SLC4A4: variants seen among roughly 807,000 people sequenced by gnomAD.
SLC4A4 encodes the protein electrogenic sodium bicarbonate cotransporter 1.
In SLC4A4, 27 loss-of-function variants were observed where a neutral mutation model predicts 111.5. The ratio of observed to expected loss-of-function variants is 0.24; its 90% CI spans 0.18 to 0.33. SLC4A4 has a LOEUF of 0.33. SLC4A4 is among the 10% of genes least tolerant of loss of function. The pLI is 1.00. For synonymous variants in SLC4A4, 443 were observed against 463.4 expected (o/e 0.96, Z 0.57); for missense variants, 909 against 1,315.5 (o/e 0.69, Z 4.78).
chr4:71,153,054 A>ATATAT (rs528058780), intron 2 of SLC4A4, among the ~76,000 whole-genome samples: 1,885 of 140,834 alleles, frequency 0.013, 28 homozygotes, highest in Non-Finnish European at 0.019. Context: ...TATATATATA[A>ATATAT]AAATAAAAGG....
At chr4:71,152,931 C>T (rs1324887259) in intron 2 of SLC4A4, among the ~76,000 whole-genome samples, 1 of 147,998 alleles carries the variant, frequency 6.8e-6, no homozygotes, top group Non-Finnish European at 1.5e-5. Flanking sequence ...TGGTATATAT[C>T]ACATATATAT....
At chr4:71,550,563 T>C (rs1735898453) in intron 20 of SLC4A4, among the ~76,000 whole-genome samples, 1 of 152,046 alleles carries the variant, frequency 6.6e-6, no homozygotes, top group East Asian at 1.9e-4. Context: ...TTTGTGACTA[T>C]GTGTTTTTTT....
At chr4:71,119,925 C>T (rs4694375) in intron 2 of SLC4A4, among the ~76,000 whole-genome samples, 150,059 of 152,270 alleles carry the variant, frequency 0.99, 73,984 homozygotes, top group East Asian at 1. Context: ...GTTTGTTGAG[C>T]TTTCCATTTT....
At chr4:71,439,470 A>AAAG (rs1724502798) in intron 7 of SLC4A4, among the ~76,000 whole-genome samples, 4 of 136,532 alleles carry the variant, frequency 2.9e-5, no homozygotes, top group Non-Finnish European at 4.7e-5. Context: ...AAAAAAAAAA[A>AAAG]AGAAAAGAAA....
At chr4:71,356,827 TC>T (rs1313460592) in intron 5 of SLC4A4, among the ~76,000 whole-genome samples, 180 bp from the exon 6 acceptor site, 1 of 152,204 alleles carries the variant, frequency 6.6e-6, no homozygotes, top group Non-Finnish European at 1.5e-5. Context: ...TGTATCTCTC[TC>T]ATCAATGCCC....
intron 20 of SLC4A4, among the ~76,000 whole-genome samples, chr4:71,549,375 T>C (rs1213189607): frequency 6.6e-6 from 1 of 151,802 alleles, no homozygotes; most frequent in Non-Finnish European, 1.5e-5. Context: ...CTGCAGACAA[T>C]TATGAGCCCA....
intron 15 of SLC4A4, among the ~76,000 whole-genome samples, chr4:71,488,195 G>C (rs1245198185): frequency 6.7e-6 from 1 of 149,722 alleles, no homozygotes; most frequent in Non-Finnish European, 1.5e-5. Context: ...AAAAACATAA[G>C]TTAATTTGTA....
At chr4:71,356,114 G>A (rs554112976) in intron 5 of SLC4A4, among the ~76,000 whole-genome samples, 2 of 152,316 alleles carry the variant, frequency 1.3e-5, no homozygotes, top group African/African-American at 4.8e-5. Context: ...TCATGTAGAT[G>A]TAGAGTAGAA....
At chr4:71,404,555 A>C (rs1424443704) in intron 7 of SLC4A4, among the ~76,000 whole-genome samples, 1 of 152,220 alleles carries the variant, frequency 6.6e-6, no homozygotes, top group Non-Finnish European at 1.5e-5. Flanking sequence ...AATACCAGGA[A>C]TATACCTAGA....
At chr4:71,483,172 T>G (rs184934931) in intron 14 of SLC4A4, among the ~76,000 whole-genome samples, 17 of 151,798 alleles carry the variant, frequency 1.1e-4, no homozygotes, top group Admixed American at 4.6e-4. Context: ...CCTGTTTTTG[T>G]TTTTGTAACT....
chr4:71,462,034 A>G (rs1490038474), intron 12 of SLC4A4, among the ~76,000 whole-genome samples: 4 of 152,070 alleles, frequency 2.6e-5, no homozygotes, highest in African/African-American at 9.7e-5. Flanking sequence ...TCTGAAGACT[A>G]ATTTTTATCT....
chr4:71,270,864 A>C (rs1413725577), intron 3 of SLC4A4, among the ~76,000 whole-genome samples: 3 of 152,226 alleles, frequency 2.0e-5, no homozygotes, highest in African/African-American at 7.2e-5. Context: ...TCTCATCTGC[A>C]CTGTCTTCTA....
intron 2 of SLC4A4, among the ~76,000 whole-genome samples, chr4:71,252,770 G>T (rs1299563664): frequency 6.6e-6 from 1 of 152,114 alleles, no homozygotes; most frequent in Non-Finnish European, 1.5e-5. Context: ...GACTGCAAAT[G>T]GATATGAGGG....
intron 2 of SLC4A4, among the ~76,000 whole-genome samples, chr4:71,096,318 C>G (rs148160161): frequency 4.7e-4 from 71 of 152,090 alleles, no homozygotes; most frequent in African/African-American, 1.6e-3. Context: ...GTAACCCAGA[C>G]GGTATGTATA....
At chr4:71,096,020 G>T (rs1277218067) in intron 2 of SLC4A4, among the ~76,000 whole-genome samples, 1 of 152,090 alleles carries the variant, frequency 6.6e-6, no homozygotes, top group Non-Finnish European at 1.5e-5. Context: ...TGGAAGGCCT[G>T]GAGGATTTTT....
At chr4:71,158,476 A>G (rs1179227847) in intron 2 of SLC4A4, among the ~76,000 whole-genome samples, 1 of 152,162 alleles carries the variant, frequency 6.6e-6, no homozygotes, top group African/African-American at 2.4e-5. Context: ...TATGGATTTC[A>G]GATGCTGAAT....
intron 6 of SLC4A4, among the ~76,000 whole-genome samples, chr4:71,378,957 G>A (rs947595954): frequency 6.6e-6 from 1 of 152,102 alleles, no homozygotes; most frequent in Non-Finnish European, 1.5e-5. Context: ...GTACCCTTCA[G>A]TAACCATACT....
intron 1 of SLC4A4, among the ~76,000 whole-genome samples, chr4:71,200,150 G>A (rs1418852293): frequency 1.3e-5 from 2 of 152,180 alleles, no homozygotes; most frequent in African/African-American, 4.8e-5. Flanking sequence ...GTGGGATGAT[G>A]TGAAAGCCTT....
chr4:71,447,879 G>A, intron 9 of SLC4A4, 146 bp downstream of exon 9: 2 of 714,456 alleles, frequency 2.8e-6, no homozygotes, highest in South Asian at 1.5e-5. Context: ...AGACAAATGA[G>A]CTGAATCCTA....
Sources: gnomAD v4.1 joint callset for allele counts (sites outside exome capture counted in the v4.1 genomes callset) on GRCh38, gnomAD v4.1.1 for gene constraint, MANE v1.5 for transcripts, NCBI Gene and HGNC (gene_info 2026-07-23, HGNC 2026-07-21) for gene names.